ARMCX4: variants seen among roughly 807,000 people sequenced by gnomAD.
The protein encoded by ARMCX4 is armadillo repeat containing X-linked 4.
ARMCX4 carries 3 observed loss-of-function variants against 34.7 expected under a neutral mutation model. That is an observed-to-expected ratio of 0.09 (90% CI 0.04 to 0.22). ARMCX4 has a LOEUF of 0.22. ARMCX4 is among the 10% of genes least tolerant of loss of function. The pLI, the probability that ARMCX4 is intolerant of heterozygous loss-of-function variation, is 1.00. For synonymous variants in ARMCX4, 513 were observed against 632.8 expected, an observed-to-expected ratio of 0.81 and a Z score of 2.84; for missense variants, 1,448 against 1,720.8, an observed-to-expected ratio of 0.84 and a Z score of 2.81.
chrX:101,533,137 A>G (rs1556022596), exon 13 of ARMCX4: 4 of 108,556 alleles, frequency 3.7e-5, no homozygotes, highest in African/African-American at 1.3e-4. Context: ...GGTTTGGTCA[A>G]TGGAATGCCC....
At chrX:101,501,981 C>T (rs897729185) in intron 7 of ARMCX4, among the ~76,000 whole-genome samples, 1 of 112,473 alleles carries the variant, frequency 8.9e-6, no homozygotes, top group South Asian at 3.7e-4. Flanking sequence ...TTGGAAGTCC[C>T]TATGGGAAAG....
At chrX:101,435,683 A>G (rs1298341876) in intron 2 of ARMCX4, among the ~76,000 whole-genome samples, 1 of 107,869 alleles carries the variant, frequency 9.3e-6, no homozygotes, top group African/African-American at 3.4e-5. Flanking sequence ...TTTTGTTGCC[A>G]TTGCTTTTGG....
chrX:101,485,159 T>G (rs1169454025), upstream of ARMCX4: 1 of 111,143 alleles, frequency 9.0e-6, no homozygotes, highest in Non-Finnish European at 1.9e-5. Context: ...ATGCAGACCC[T>G]CCCCTGTAAC....
At chrX:101,533,122 G>A (rs782626235) in exon 13 of ARMCX4, 1 of 108,555 alleles carries the variant, frequency 9.2e-6, no homozygotes, top group Non-Finnish European at 1.9e-5. Context: ...ATTGACTTCT[G>A]CTTGGGTTTG....
At chrX:101,442,124 C>T (rs781905203) in intron 2 of ARMCX4, among the ~76,000 whole-genome samples, 7 of 112,276 alleles carry the variant, frequency 6.2e-5, no homozygotes, top group African/African-American at 2.3e-4. Flanking sequence ...TCTGCTTCAC[C>T]CAGCAAAGTG....
chrX:101,478,084 T>C (rs1933278492), intron 4 of ARMCX4, among the ~76,000 whole-genome samples: 2 of 112,103 alleles, frequency 1.8e-5, no homozygotes, highest in Admixed American at 9.5e-5. Flanking sequence ...ACTCTGACTA[T>C]AAGGATGTCT....
In ARMCX4 at chrX:101,493,644, T is replaced by C. The variant is rs1021403010; in HGVS notation, c.5055T>C (p.Ala1685=). ...GCCAAGCCAGTGGAGAATCCTGGGC[T>C]GGATCTAGGCCTGGGAATGAGGCCA... The part of the protein sequence containing the change: ...AGSQASGESW[A]GSRPGNEAIG... Residue 1685 remains alanine, a synonymous_variant, in exon 6 of 6, where the codon GCT becomes GCC. Transcript: ENST00000423738. 52 of 1,150,386 alleles carry C rather than the reference T, an allele frequency of 4.5e-5. No homozygotes were observed. The African/African-American group carries it at 8.4e-4, about 19-fold the overall frequency. The allele number at this position is 1,150,386 out of a possible 1,213,427, so 94.8% of individuals were successfully genotyped here. A position where few individuals can be genotyped will look rare whatever the true frequency, so the allele number is the denominator to read the frequency against.
At chrX:101,455,687 G>A (rs1240583158) in intron 4 of ARMCX4, among the ~76,000 whole-genome samples, 1 of 110,916 alleles carries the variant, frequency 9.0e-6, no homozygotes, top group African/African-American at 3.3e-5. Context: ...TTTTAGTTTC[G>A]GGGGTACATG....
intron 2 of ARMCX4, among the ~76,000 whole-genome samples, chrX:101,440,990 C>A (rs1236091893): frequency 1.8e-5 from 2 of 111,031 alleles, no homozygotes; most frequent in African/African-American, 3.3e-5. Flanking sequence ...CCTGCACCCA[C>A]TTTCTGACAC....
intron 4 of ARMCX4, among the ~76,000 whole-genome samples, chrX:101,465,044 A>G (rs1479368525): frequency 2.7e-5 from 3 of 111,823 alleles, no homozygotes; most frequent in South Asian, 7.4e-4. Flanking sequence ...TCTATAATTA[A>G]CAAGATAATG....
At chrX:101,428,480 C>T (rs187995899) in intron 2 of ARMCX4, among the ~76,000 whole-genome samples, 2 of 112,377 alleles carry the variant, frequency 1.8e-5, no homozygotes, top group Admixed American at 1.9e-4. Context: ...TTTCATTAAG[C>T]TGTGCATTTG....
intron 2 of ARMCX4, among the ~76,000 whole-genome samples, chrX:101,437,649 G>T (rs1462215850): frequency 9.0e-6 from 1 of 111,096 alleles, no homozygotes; most frequent in African/African-American, 3.3e-5. Flanking sequence ...ATTTCCTTCA[G>T]TTCTGCTCTG....
intron 3 of ARMCX4, 37 bp from the exon 4 acceptor site, chrX:101,487,571 G>A (rs1479571880): frequency 1.1e-5 from 9 of 802,500 alleles, no homozygotes; most frequent in East Asian, 8.0e-5. Flanking sequence ...CCAGGGACTC[G>A]GTTTCCATTA....
chrX:101,528,778 G>C (rs1935046400), intron 11 of ARMCX4, among the ~76,000 whole-genome samples: 1 of 110,856 alleles, frequency 9.0e-6, no homozygotes, highest in African/African-American at 3.3e-5. Context: ...ACTTACAAGG[G>C]CTGTGAAGGA....
intron 2 of ARMCX4, among the ~76,000 whole-genome samples, chrX:101,435,324 A>T (rs1224358807): frequency 9.0e-6 from 1 of 111,170 alleles, no homozygotes; most frequent in Non-Finnish European, 1.9e-5. Flanking sequence ...TTTAATGATC[A>T]CCATTCTAAC....
At chrX:101,519,954 A>G (rs1444096140) in intron 11 of ARMCX4, among the ~76,000 whole-genome samples, 2 of 111,126 alleles carry the variant, frequency 1.8e-5, no homozygotes, top group African/African-American at 6.5e-5. Flanking sequence ...CCTGTTGGCC[A>G]TTTGTATGTC....
At chrX:101,501,224 C>A (rs1266668984) in intron 7 of ARMCX4, among the ~76,000 whole-genome samples, 2 of 112,465 alleles carry the variant, frequency 1.8e-5, no homozygotes, top group African/African-American at 6.5e-5. Context: ...AGAACTATAG[C>A]AGAACAAGGC....
intron 2 of ARMCX4, among the ~76,000 whole-genome samples, chrX:101,429,612 A>G (rs920751300): frequency 1.2e-4 from 13 of 111,226 alleles, no homozygotes; most frequent in African/African-American, 4.2e-4. Context: ...TTGGGATTAC[A>G]GGTGTGAGCC....
chrX:101,446,447 C>CTA (rs2147574970), downstream of ARMCX4, among the ~76,000 whole-genome samples: 1 of 111,956 alleles, frequency 8.9e-6, no homozygotes, highest in East Asian at 2.8e-4. Flanking sequence ...ATTGCTTCCA[C>CTA]TAGTATCTGT....
Sources: allele counts gnomAD v4.1 joint callset (sites outside exome capture counted in the v4.1 genomes callset), GRCh38; gene constraint gnomAD v4.1.1; transcripts MANE v1.5; gene names NCBI Gene and HGNC (gene_info 2026-07-23, HGNC 2026-07-21).